The following RPS6KA5 variants were observed in gnomAD, a reference collection of about 807,000 sequenced individuals.
RPS6KA5 encodes the protein ribosomal protein S6 kinase alpha-5.
Under a neutral mutation model 85.5 loss-of-function variants are expected in RPS6KA5, and 27 were observed. The observed-to-expected ratio is 0.32, with a 90% CI of 0.23 to 0.44. The LOEUF (loss-of-function observed/expected upper bound fraction) is 0.44. RPS6KA5 is among the 20% of genes least tolerant of loss of function. RPS6KA5 has a pLI of 1.00. For missense variants in RPS6KA5, 811 were observed against 980.9 expected (o/e 0.83, Z 2.31); for synonymous variants, 334 against 348.2 (o/e 0.96, Z 0.46).
chr14:90,963,076 C>T (rs146221216), intron 3 of RPS6KA5, among the ~76,000 whole-genome samples: 17 of 152,320 alleles, frequency 1.1e-4, no homozygotes, highest in African/African-American at 3.4e-4. Context: ...AGTTCAATTT[C>T]ATACAACGCA....
At chr14:90,945,805 C>A (rs148847586) in intron 4 of RPS6KA5, among the ~76,000 whole-genome samples, 1 of 152,114 alleles carries the variant, frequency 6.6e-6, no homozygotes, top group Admixed American at 6.5e-5. Flanking sequence ...TAGTTCAACA[C>A]CAACCTAGGC....
In RPS6KA5 at chr14:90,884,093, C is replaced by T. The variant is rs370752453; in HGVS notation, c.1836+6394G>A. On this transcript the variant is annotated intron_variant, in intron 14 of 16. Transcript: ENST00000614987. ...ATGGTGGCAGGCACAACAACAATGA[C>T]CACTGCCCTCTTTGCACCTCTATAG... Among the ~76,000 whole-genome samples, 14 of 152,312 alleles carry T rather than the reference C, an allele frequency of 9.2e-5. No homozygotes were observed. The East Asian group carries it at 2.3e-3, about 25-fold the overall frequency.
intron 15 of RPS6KA5, among the ~76,000 whole-genome samples, chr14:90,874,769 G>T (rs1305834566): frequency 3.3e-5 from 5 of 152,198 alleles, no homozygotes; most frequent in African/African-American, 4.8e-5. Flanking sequence ...GGACCGGACT[G>T]CTAGGAGCGC....
At chr14:90,930,497 T>C (rs149730246) in intron 5 of RPS6KA5, among the ~76,000 whole-genome samples, 22 of 152,128 alleles carry the variant, frequency 1.4e-4, no homozygotes, top group African/African-American at 5.3e-4. Context: ...TTCTTAGATA[T>C]GACACCAAAA....
chr14:90,967,728 T>C (rs2140442191), intron 3 of RPS6KA5, among the ~76,000 whole-genome samples: 1 of 152,362 alleles, frequency 6.6e-6, no homozygotes, highest in South Asian at 2.1e-4. Flanking sequence ...TAAAGATTTT[T>C]ATGTTCTGGT....
chr14:90,954,645 C>T (rs2038405235), intron 3 of RPS6KA5, among the ~76,000 whole-genome samples: 1 of 152,146 alleles, frequency 6.6e-6, no homozygotes, highest in Admixed American at 6.5e-5. Flanking sequence ...AACTCCTGAC[C>T]TCAAGTGATC....
In RPS6KA5 at chr14:90,849,515, C is replaced by T. The variant is rs1244340729; in HGVS notation, c.*22559G>A. On this transcript the variant is annotated 3_prime_UTR_variant, in exon 17 of 17. Coordinates refer to ENST00000614987, the MANE Select transcript of RPS6KA5 (RefSeq NM_004755.4). ...CACTTGGTGGCTACATACGGCTAAT[C>T]GCTGCTAGTGTTTAGAGTCTGTGGC... The T allele has an allele frequency of 1.3e-5, 2 of 152,186 alleles. No individual in the cohort carries two copies. The highest frequency in any genetic ancestry group is 2.9e-5 in the Non-Finnish European group (2 of 68,078). The allele number at this position is 152,186 out of a possible 1,614,324, so 9.4% of individuals were successfully genotyped here. A position where few individuals can be genotyped will look rare whatever the true frequency, so the allele number is the denominator to read the frequency against.
chr14:90,923,391 C>T (rs911976044), intron 5 of RPS6KA5, among the ~76,000 whole-genome samples, 195 bp from the exon 6 acceptor site: 3 of 152,118 alleles, frequency 2.0e-5, no homozygotes, highest in African/African-American at 4.8e-5. Flanking sequence ...GTCATCCCAT[C>T]CCATCAGAAA....
chr14:91,042,973 G>C (rs781458280), intron 1 of RPS6KA5, among the ~76,000 whole-genome samples: 88 of 151,952 alleles, frequency 5.8e-4, no homozygotes, highest in Non-Finnish European at 1.3e-4. Context: ...ATATCCTCCA[G>C]AACCAAGTCT....
rs1456175165 is a variant in RPS6KA5 at position 90,861,491 on chromosome 14, C to T, written c.*10583G>A. 6.8e-6 allele frequency: 1 copy of T among 147,464 alleles called. No homozygotes were observed. Among genetic ancestry groups the T allele is most frequent in the African/African-American group, 2.5e-5 (1 of 40,138 alleles). 9.1% of individuals were successfully genotyped at this position (147,464 alleles called of 1,614,324 possible). On this transcript the variant is annotated 3_prime_UTR_variant, in exon 17 of 17. Coordinates refer to ENST00000614987, the MANE Select transcript of RPS6KA5 (RefSeq NM_004755.4). ...GAGCCGAGATCCCGCCACTGCACTCCAGCCTGGGCGACAGAGCGAGACTCT... is the reference window on the plus strand; with the variant it reads ...GAGCCGAGATCCCGCCACTGCACTCTAGCCTGGGCGACAGAGCGAGACTCT...
At chr14:90,982,921 G>C (rs1395712633) in intron 2 of RPS6KA5, among the ~76,000 whole-genome samples, 6 of 152,170 alleles carry the variant, frequency 3.9e-5, no homozygotes, top group African/African-American at 1.4e-4. Context: ...AGACCATCCT[G>C]GCTAACACAG....
chr14:90,954,468 C>T (rs1239561910), intron 3 of RPS6KA5, among the ~76,000 whole-genome samples: 1 of 152,190 alleles, frequency 6.6e-6, no homozygotes, highest in Admixed American at 6.5e-5. Flanking sequence ...GACTGGAGTG[C>T]AGTGGCATGA....
intron 2 of RPS6KA5, among the ~76,000 whole-genome samples, chr14:90,998,733 C>T (rs2140567282): frequency 6.6e-6 from 1 of 152,320 alleles, no homozygotes; most frequent in South Asian, 2.1e-4. Context: ...TCCAAGTTGA[C>T]AGTTACACTA....
rs1262029848 is a variant in RPS6KA5 at position 90,868,832 on chromosome 14, T to C, written c.*3242A>G. The C allele has an allele frequency of 6.6e-6, 1 of 152,204 alleles. No homozygotes were observed. Among genetic ancestry groups the C allele is most frequent in the Non-Finnish European group, 1.5e-5 (1 of 68,028 alleles). The allele number at this position is 152,204 out of a possible 1,614,324, so 9.4% of individuals were successfully genotyped here. On this transcript the variant is annotated 3_prime_UTR_variant, in exon 17 of 17. Transcript: ENST00000614987. ...AAAAAGTGACTTCTATCTTAGTAGATTTCTTTAAAATAACTTACCTTATAT... is the reference window on the plus strand; with the variant it reads ...AAAAAGTGACTTCTATCTTAGTAGACTTCTTTAAAATAACTTACCTTATAT...
intron 1 of RPS6KA5, among the ~76,000 whole-genome samples, chr14:91,002,104 C>G (rs1178937293): frequency 1.3e-5 from 2 of 152,058 alleles, no homozygotes; most frequent in African/African-American, 2.4e-5. Flanking sequence ...AGGCTTGATC[C>G]AAATCCTAAT....
rs1448842095 is a variant in RPS6KA5 at position 90,860,461 on chromosome 14, G to T, written c.*11613C>A. 2 of 152,236 alleles carry T rather than the reference G, an allele frequency of 1.3e-5. No homozygotes were observed. The highest frequency in any genetic ancestry group is 2.9e-5 in the Non-Finnish European group (2 of 68,078). 9.4% of individuals were successfully genotyped at this position (152,236 alleles called of 1,614,324 possible). On this transcript the variant is annotated 3_prime_UTR_variant, in exon 17 of 17. Coordinates refer to ENST00000614987, the MANE Select transcript of RPS6KA5 (RefSeq NM_004755.4). The stretch of plus-strand genomic sequence containing the variant: ...AGACACAAGAATCACTTGAACCTAG[G>T]AGGTGGAGGTTGCAGTGAGCCAAGA...
intron 14 of RPS6KA5, among the ~76,000 whole-genome samples, chr14:90,881,947 C>G (rs577883351): frequency 3.8e-4 from 58 of 152,104 alleles, no homozygotes; most frequent in Non-Finnish European, 7.5e-4. Context: ...AATCTTTGAC[C>G]TTTGATTAGA....
intron 15 of RPS6KA5, 21 bp downstream of exon 15, chr14:90,875,179 TA>T (rs1276761151): frequency 1.2e-6 from 2 of 1,602,836 alleles, no homozygotes; most frequent in Admixed American, 3.4e-5. Flanking sequence ...ATATAAAATG[TA>T]AAATTTCATT....
rs1166939257 is a variant in RPS6KA5, at chr14:90,857,239, A to G, written c.*14835T>C. ...CAGGAATAGAATCCTTGATCTGACT[A>G]TAATATTTTAACAGTGACATGTGCC... On this transcript the variant is annotated 3_prime_UTR_variant, in exon 17 of 17. Coordinates refer to ENST00000614987, the MANE Select transcript of RPS6KA5 (RefSeq NM_004755.4). 2 of 152,370 alleles carry G rather than the reference A, an allele frequency of 1.3e-5. No homozygotes were observed. The highest frequency in any genetic ancestry group is 2.1e-4 in the South Asian group (1 of 4,828). The allele number at this position is 152,370 out of a possible 1,614,324, so 9.4% of individuals were successfully genotyped here. A position where few individuals can be genotyped will look rare whatever the true frequency, so the allele number is the denominator to read the frequency against.
Sources: allele counts gnomAD v4.1 joint callset (sites outside exome capture counted in the v4.1 genomes callset), GRCh38; gene constraint gnomAD v4.1.1; transcripts MANE v1.5; gene names NCBI Gene and HGNC (gene_info 2026-07-23, HGNC 2026-07-21).